Variants in ITPK1 observed in about 807,000 individuals in gnomAD.
The protein encoded by ITPK1 is inositol-tetrakisphosphate 1-kinase.
ITPK1 carries 21 observed loss-of-function variants against 45.3 expected under a neutral mutation model. That is an observed-to-expected ratio of 0.46 (90% confidence interval 0.33 to 0.67). The LOEUF (loss-of-function observed/expected upper bound fraction) is 0.67. ITPK1 is among the 30% of genes least tolerant of loss of function. The pLI, the probability that ITPK1 is intolerant of heterozygous loss-of-function variation, is 0.02. For missense variants in ITPK1, 474 were observed against 573.5 expected, an observed-to-expected ratio of 0.83 and a Z score of 1.77; for synonymous variants, 258 against 253.6, an observed-to-expected ratio of 1.02 and a Z score of -0.16.
At chr14:93,084,074 C>A (rs979158441) in intron 2 of ITPK1, among the ~76,000 whole-genome samples, 1 of 152,220 alleles carries the variant, frequency 6.6e-6, no homozygotes, top group African/African-American at 2.4e-5. Context: ...ACAGAGGTGA[C>A]CATGTCCCCT....
At position 92,955,151 on chromosome 14, in the gene ITPK1, CCCGGCCA is replaced by C. The variant is rs1884630710; in HGVS notation, c.670+3043_670+3049del. Among the ~76,000 whole-genome samples, 3 of 152,230 alleles carry C rather than the reference CCCGGCCA, an allele frequency of 2.0e-5. No individual in the cohort carries two copies. The South Asian group carries it at 6.2e-4, about 32-fold the overall frequency. On this transcript the variant is annotated intron_variant, in intron 8 of 10. Coordinates refer to ENST00000267615, the MANE Select transcript of ITPK1 (RefSeq NM_014216.6). ...AGCTCAGCAGACTATAGGCTGTAAG[CCCGGCCA>C]CCTGCACTTGTAAATAAAGTTTCAT... is the stretch of plus-strand genomic sequence containing the variant.
chr14:93,077,343 A>T (rs919224039), intron 2 of ITPK1, among the ~76,000 whole-genome samples: 1 of 151,884 alleles, frequency 6.6e-6, no homozygotes, highest in Non-Finnish European at 1.5e-5. Context: ...TTTGAGACAG[A>T]GTCTCACTCT....
chr14:93,055,228 T>C (rs1464737629), intron 3 of ITPK1, among the ~76,000 whole-genome samples: 7 of 152,182 alleles, frequency 4.6e-5, no homozygotes, highest in Non-Finnish European at 1.0e-4. Context: ...ATGCGTGCTG[T>C]CTCCTCTTTG....
chr14:93,109,427 T>G (rs1892656101), intron 2 of ITPK1, among the ~76,000 whole-genome samples: 2 of 152,238 alleles, frequency 1.3e-5, no homozygotes, highest in African/African-American at 4.8e-5. Context: ...CATTGTATAC[T>G]TTGAGTCCTC....
At chr14:93,067,179 T>G (rs1225602334) in intron 3 of ITPK1, among the ~76,000 whole-genome samples, 1 of 152,344 alleles carries the variant, frequency 6.6e-6, no homozygotes, top group South Asian at 2.1e-4. Flanking sequence ...ATCTCTTTTC[T>G]TTGCTTTTAC....
chr14:92,961,945 T>C (rs1885094307), intron 7 of ITPK1, among the ~76,000 whole-genome samples: 3 of 152,160 alleles, frequency 2.0e-5, no homozygotes, highest in Admixed American at 6.5e-5. Context: ...ATTTGCAAGG[T>C]AGGAAGAGAG....
At chr14:93,037,195 G>A (rs775098698) in intron 3 of ITPK1, among the ~76,000 whole-genome samples, 6 of 152,158 alleles carry the variant, frequency 3.9e-5, no homozygotes, top group East Asian at 1.9e-4. Flanking sequence ...CTCTGACCCC[G>A]GGACAATGGC....
chr14:93,098,915 C>T (rs1462346336), intron 2 of ITPK1, among the ~76,000 whole-genome samples: 1 of 152,178 alleles, frequency 6.6e-6, no homozygotes, highest in East Asian at 1.9e-4. Context: ...GCAGGCCTTG[C>T]CCTCACCTGC....
chr14:92,945,080 C>T (rs1384570872), intron 10 of ITPK1, among the ~76,000 whole-genome samples: 5 of 152,236 alleles, frequency 3.3e-5, no homozygotes, highest in African/African-American at 7.2e-5. Flanking sequence ...CAGAGGAGCC[C>T]GCTGACCGCC....
chr14:92,959,865 G>A (rs1011286261), intron 7 of ITPK1, among the ~76,000 whole-genome samples: 3 of 152,224 alleles, frequency 2.0e-5, no homozygotes, highest in Admixed American at 1.3e-4. Flanking sequence ...CTCGGGCTGG[G>A]AGATTCAGAG....
At chr14:93,114,365 C>T (rs1229616831) in intron 2 of ITPK1, among the ~76,000 whole-genome samples, 1 of 152,260 alleles carries the variant, frequency 6.6e-6, no homozygotes, top group Non-Finnish European at 1.5e-5. Context: ...CCACTCCACA[C>T]CACGGGCATT....
chr14:92,992,769 C>G (rs1476949382), intron 5 of ITPK1, among the ~76,000 whole-genome samples: 1 of 152,258 alleles, frequency 6.6e-6, no homozygotes, highest in Non-Finnish European at 1.5e-5. Flanking sequence ...TCAGACAGAC[C>G]TGGCTGGATG....
intron 2 of ITPK1, among the ~76,000 whole-genome samples, chr14:93,104,362 G>A (rs1407537730): frequency 6.6e-6 from 1 of 152,082 alleles, no homozygotes; most frequent in African/African-American, 2.4e-5. Context: ...GATGGCGGGT[G>A]CCTGTAATCC....
At chr14:93,052,184 T>A (rs1297141819) in intron 3 of ITPK1, among the ~76,000 whole-genome samples, 2 of 152,236 alleles carry the variant, frequency 1.3e-5, no homozygotes, top group African/African-American at 4.8e-5. Flanking sequence ...AACTTCAATT[T>A]CCATATCCAA....
At chr14:93,001,670 T>G (rs1246664869) in intron 4 of ITPK1, among the ~76,000 whole-genome samples, 2 of 152,210 alleles carry the variant, frequency 1.3e-5, no homozygotes, top group African/African-American at 2.4e-5. Flanking sequence ...CACCAGTGAT[T>G]CTACCCTTGA....
intron 3 of ITPK1, among the ~76,000 whole-genome samples, chr14:93,060,778 G>A (rs1047084782): frequency 2.0e-5 from 3 of 152,184 alleles, no homozygotes; most frequent in Non-Finnish European, 4.4e-5. Context: ...AGTGATTGGT[G>A]CTTGGAGCTC....
At chr14:92,995,814 G>A (rs1359228132) in intron 4 of ITPK1, among the ~76,000 whole-genome samples, 4 of 152,298 alleles carry the variant, frequency 2.6e-5, no homozygotes, top group East Asian at 3.9e-4. Context: ...GGGACTAACC[G>A]AGGAGTCTCC....
intron 4 of ITPK1, among the ~76,000 whole-genome samples, chr14:92,996,428 T>C (rs956927458): frequency 1.2e-5 from 1 of 84,336 alleles, no homozygotes; most frequent in Non-Finnish European, 2.4e-5. Context: ...CACCGGGGCC[T>C]GTCGCGGGGT....
intron 5 of ITPK1, among the ~76,000 whole-genome samples, chr14:92,976,214 G>C (rs1156963441): frequency 2.0e-5 from 3 of 152,248 alleles, no homozygotes; most frequent in Non-Finnish European, 4.4e-5. Context: ...CCAGTTAGCA[G>C]ATAGCAGATT....
Sources: allele counts gnomAD v4.1 joint callset (sites outside exome capture counted in the v4.1 genomes callset), GRCh38; gene constraint gnomAD v4.1.1; transcripts MANE v1.5; gene names NCBI Gene and HGNC (gene_info 2026-07-23, HGNC 2026-07-21).